PRMT2: variants seen among roughly 807,000 people sequenced by gnomAD.
PRMT2 encodes protein arginine N-methyltransferase 2.
A neutral mutation model predicts 57.6 loss-of-function variants in PRMT2; 26 were observed. The observed-to-expected ratio is 0.45, with a 90% CI of 0.33 to 0.63. PRMT2 has a LOEUF of 0.63. PRMT2 is among the 20% of genes least tolerant of loss of function. The pLI, the probability that PRMT2 is intolerant of heterozygous loss-of-function variation, is 0.02. For missense variants in PRMT2, 472 were observed against 564.4 expected (o/e 0.84, Z 1.66); for synonymous variants, 219 against 220.0 (o/e 1.00, Z 0.04).
At chr21:46,643,733 A>G (rs1293633017) in intron 4 of PRMT2, 94 bp downstream of exon 4, 1 of 1,435,736 alleles carries the variant, frequency 7.0e-7, no homozygotes, top group African/African-American at 1.4e-5. Context: ...AAGTTAAATG[A>G]AGAGGTATTC....
At chr21:46,645,514 T>C (rs2061350909) in intron 5 of PRMT2, among the ~76,000 whole-genome samples, 1 of 152,084 alleles carries the variant, frequency 6.6e-6, no homozygotes, top group African/African-American at 2.4e-5. Flanking sequence ...CGAAATTTTT[T>C]CCCCACCATG....
intron 8 of PRMT2, 112 bp from the exon 9 acceptor site, chr21:46,660,721 T>G: frequency 7.3e-7 from 1 of 1,378,884 alleles, no homozygotes. Flanking sequence ...GATAGTGGCT[T>G]AGCATCCTGG....
intron 2 of PRMT2, 92 bp from the exon 3 acceptor site, chr21:46,636,804 G>T: frequency 7.5e-6 from 5 of 669,268 alleles, no homozygotes; most frequent in South Asian, 4.0e-5. Flanking sequence ...CTTCTATTTG[G>T]TAGAGGACAT....
Position 46,658,706 on chromosome 21 carries a change from C to T in PRMT2, c.655-39C>T. The T allele has an allele frequency of 2.5e-6, 4 of 1,605,906 alleles. No homozygotes were observed. The South Asian group carries it at 4.4e-5, about 18-fold the overall frequency. ...TGAGAGGCCTGTGCAGCCGCGGGGC[C>T]TGTGATGTGTCTCCTGTGTGTCTTT... On this transcript the variant is annotated intron_variant, in intron 7 of 11. Transcript: ENST00000355680.
At chr21:46,653,234 T>C (rs1407227247) in intron 7 of PRMT2, 2 of 985,376 alleles carry the variant, frequency 2.0e-6, no homozygotes, top group Non-Finnish European at 2.4e-6. Context: ...CACACAGCCT[T>C]GTACTGTTTT....
intron 7 of PRMT2, chr21:46,651,774 CG>C: frequency 1.2e-6 from 2 of 1,610,674 alleles, no homozygotes; most frequent in East Asian, 4.5e-5. Context: ...GTCGTTGGTG[CG>C]GTTGTACCCA....
intron 11 of PRMT2, among the ~76,000 whole-genome samples, 155 bp from the exon 12 acceptor site, chr21:46,664,140 T>G (rs1265282103): frequency 1.3e-4 from 20 of 152,226 alleles, no homozygotes. Context: ...GTTTTGTGCT[T>G]TGCTTTGTGA....
intron 7 of PRMT2, chr21:46,657,040 A>T (rs539251824): frequency 1.3e-5 from 2 of 152,246 alleles, no homozygotes; most frequent in Non-Finnish European, 2.9e-5. Context: ...ACAGATATCA[A>T]ATACACACAT....
intron 3 of PRMT2, 124 bp from the exon 4 acceptor site, chr21:46,643,411 G>T: frequency 7.6e-7 from 1 of 1,312,564 alleles, no homozygotes; most frequent in Non-Finnish European, 9.7e-7. Flanking sequence ...CAAATAGTTT[G>T]TATAATAAAT....
At position 46,648,833 on chromosome 21, in the gene PRMT2, A is replaced by G. The variant is rs867418912; in HGVS notation, c.489+214A>G. Among the ~76,000 whole-genome samples the G allele has an allele frequency of 3.3e-5, 5 of 152,234 alleles. No individual in the cohort carries two copies. The South Asian group carries it at 6.2e-4, about 19-fold the overall frequency. On this transcript the variant is annotated intron_variant, in intron 6 of 11. Transcript: ENST00000355680. The surrounding 1 kb of genome is among the most constrained non-coding windows in gnomAD (Gnocchi z 4.8). Reference sequence around the variant, plus strand: ...GAGGCCGTGGCGCCCGCGTACAATGAGTCGCAGACAGCACAGACGGGAGTA... The same window carrying G: ...GAGGCCGTGGCGCCCGCGTACAATGGGTCGCAGACAGCACAGACGGGAGTA...
At chr21:46,653,659 C>G in intron 7 of PRMT2, 1 of 1,248,684 alleles carries the variant, frequency 8.0e-7, no homozygotes, top group Non-Finnish European at 1.0e-6. Flanking sequence ...GTTGCATTCC[C>G]TGGAGCTCAT....
At position 46,662,619 on chromosome 21, in the gene PRMT2, T is replaced by C. The variant is rs1468844018; in HGVS notation, c.1097+683T>C. Reference sequence around the variant, plus strand: ...ATACCCATCCCCGAGTCTGGGGGCGTGGAGGGGGCAGTGACCTGGGGCACA... The same window carrying C: ...ATACCCATCCCCGAGTCTGGGGGCGCGGAGGGGGCAGTGACCTGGGGCACA... On this transcript the variant is annotated intron_variant, in intron 10 of 11. Transcript: ENST00000355680. Among the ~76,000 whole-genome samples the C allele has an allele frequency of 2.0e-5, 3 of 151,754 alleles. No homozygotes were observed. In the East Asian group the frequency reaches 5.8e-4, roughly 29 times the overall value.
At position 46,649,849 on chromosome 21, in the gene PRMT2, G is replaced by A. The variant is rs1211389159; in HGVS notation, c.654+110G>A. 7 of 1,525,788 alleles carry A rather than the reference G, an allele frequency of 4.6e-6. No homozygotes were observed. Among genetic ancestry groups the A allele is most frequent in the Non-Finnish European group, 5.3e-6 (6 of 1,127,918 alleles). The allele number at this position is 1,525,788 out of a possible 1,614,324, so 94.5% of individuals were successfully genotyped here. On this transcript the variant is annotated intron_variant, in intron 7 of 11. Coordinates refer to ENST00000355680, the MANE Select transcript of PRMT2 (RefSeq NM_206962.4). This position sits in a 1 kb window ranked among gnomAD's most constrained non-coding sequence, Gnocchi z 4.8. ...AGGGTCGTGCGTGATTCATTTTGAT[G>A]TTTTCCCTAATGTGAGGTCTAATTA... is the stretch of plus-strand genomic sequence containing the variant.
chr21:46,664,263 CTGAT>C (rs758044136), intron 11 of PRMT2, 28 bp from the exon 12 acceptor site: 54 of 1,483,802 alleles, frequency 3.6e-5, no homozygotes, highest in Non-Finnish European at 4.7e-5. Flanking sequence ...GATTTATCAT[CTGAT>C]TGACCTGTTG....
intron 7 of PRMT2, chr21:46,651,954 G>A (rs1169550543): frequency 6.2e-7 from 1 of 1,613,270 alleles, no homozygotes; most frequent in Non-Finnish European, 8.5e-7. Context: ...CCTGTTCTCA[G>A]AGCCCCTCAG....
intron 4 of PRMT2, 68 bp downstream of exon 4, chr21:46,643,707 T>C (rs2061320243): frequency 6.6e-7 from 1 of 1,509,942 alleles, no homozygotes; most frequent in African/African-American, 1.4e-5. Context: ...AGATAAATTT[T>C]GCAGACGTCA....
In PRMT2 at chr21:46,660,147, T is replaced by G. The variant is rs187061077; in HGVS notation, c.831-686T>G. 91 of 977,392 alleles carry G rather than the reference T, an allele frequency of 9.3e-5. No individual in the cohort carries two copies. In the African/African-American group the frequency reaches 1.5e-3, roughly 16 times the overall value. The allele number at this position is 977,392 out of a possible 1,614,324, so 60.5% of individuals were successfully genotyped here. ...AAAACATTCACTTTTATTTGCTATT[T>G]CAGAAGTTACTGCTTTGCTTATTTT... On this transcript the variant is annotated intron_variant, in intron 8 of 11. Coordinates refer to ENST00000355680, the MANE Select transcript of PRMT2 (RefSeq NM_206962.4).
chr21:46,642,327 T>C (rs1379755506), intron 3 of PRMT2, among the ~76,000 whole-genome samples: 1 of 151,342 alleles, frequency 6.6e-6, no homozygotes, highest in Non-Finnish European at 1.5e-5. Context: ...TAAGTCCTGA[T>C]AATTCATAGA....
rs183895793 is a variant in PRMT2, at chr21:46,652,890, C to T, written c.654+3151C>T. 32 of 1,303,044 alleles carry T rather than the reference C, an allele frequency of 2.5e-5. No homozygotes were observed. The African/African-American group carries it at 4.6e-4, about 19-fold the overall frequency. The allele number at this position is 1,303,044 out of a possible 1,614,324, so 80.7% of individuals were successfully genotyped here. A position where few individuals can be genotyped will look rare whatever the true frequency, so the allele number is the denominator to read the frequency against. On this transcript the variant is annotated intron_variant, in intron 7 of 11. Coordinates refer to ENST00000355680, the MANE Select transcript of PRMT2 (RefSeq NM_206962.4). ...TTCTCCTGAGGCCACGCCACGATTTCCGAGAAGCAGGTTGCACACTCAGCA... is the reference window on the plus strand; with the variant it reads ...TTCTCCTGAGGCCACGCCACGATTTTCGAGAAGCAGGTTGCACACTCAGCA...
Sources: gnomAD v4.1 joint callset for allele counts (sites outside exome capture counted in the v4.1 genomes callset) on GRCh38, gnomAD v4.1.1 for gene constraint, Gnocchi (gnomAD v3.1) non-coding constraint, MANE v1.5 for transcripts, NCBI Gene and HGNC (gene_info 2026-07-23, HGNC 2026-07-21) for gene names.